RUNDC3B: variants seen among roughly 807,000 people sequenced by gnomAD.
The protein encoded by RUNDC3B is RUN domain containing 3B.
RUNDC3B carries 33 observed loss-of-function variants against 58.4 expected under a neutral mutation model. The observed-to-expected ratio is 0.56, with a 90% confidence interval of 0.43 to 0.75. The LOEUF (loss-of-function observed/expected upper bound fraction) is 0.75, where lower values mean the gene tolerates loss of function less well. Among genes scored for constraint, RUNDC3B ranks in the 30% least tolerant of loss-of-function variants. The pLI, the probability that RUNDC3B is intolerant of heterozygous loss-of-function variation, is 0.00. For synonymous variants in RUNDC3B, 193 were observed against 195.2 expected (o/e 0.99, Z 0.10); for missense variants, 501 against 535.7 (o/e 0.94, Z 0.64).
chr7:87,722,615 T>A (rs1830969636), intron 4 of RUNDC3B, among the ~76,000 whole-genome samples: 1 of 152,102 alleles, frequency 6.6e-6, no homozygotes, highest in Non-Finnish European at 1.5e-5. Context: ...TTACCATAAT[T>A]CCTTTGACGA....
At chr7:87,677,214 T>C (rs1378822876) in intron 2 of RUNDC3B, among the ~76,000 whole-genome samples, 1 of 150,814 alleles carries the variant, frequency 6.6e-6, no homozygotes, top group African/African-American at 2.4e-5. Context: ...GTAGCCAAGA[T>C]ATTAAGACAA....
At chr7:87,714,027 ATGAC>A (rs765393962) in intron 4 of RUNDC3B, among the ~76,000 whole-genome samples, 1 of 152,216 alleles carries the variant, frequency 6.6e-6, no homozygotes, top group Non-Finnish European at 1.5e-5. Context: ...AACTTTGTAA[ATGAC>A]TGAGCTGTCA....
At chr7:87,787,727 T>G (rs1330743415) in intron 8 of RUNDC3B, among the ~76,000 whole-genome samples, 1 of 152,174 alleles carries the variant, frequency 6.6e-6, no homozygotes, top group African/African-American at 2.4e-5. Flanking sequence ...TGTGAACCAT[T>G]ATGAGTATTA....
chr7:87,817,177 T>C (rs940242280), intron 10 of RUNDC3B, among the ~76,000 whole-genome samples: 6 of 152,182 alleles, frequency 3.9e-5, no homozygotes, highest in Non-Finnish European at 8.8e-5. Context: ...TTCTATTCTT[T>C]CTCCTTACAA....
At chr7:87,656,592 A>G (rs550408270) in intron 2 of RUNDC3B, among the ~76,000 whole-genome samples, 1 of 152,254 alleles carries the variant, frequency 6.6e-6, no homozygotes, top group African/African-American at 2.4e-5. Context: ...GAGGAGGAAA[A>G]TAGAATAAAG....
chr7:87,710,126 G>A (rs1044430663), intron 3 of RUNDC3B, among the ~76,000 whole-genome samples: 1 of 152,010 alleles, frequency 6.6e-6, no homozygotes, highest in African/African-American at 2.4e-5. Context: ...TGAAAGGATA[G>A]GATTGAAAAT....
intron 1 of RUNDC3B, among the ~76,000 whole-genome samples, chr7:87,639,597 G>A (rs933861108): frequency 2.6e-5 from 4 of 151,986 alleles, no homozygotes; most frequent in African/African-American, 9.7e-5. Context: ...TTAGAATTGT[G>A]GTCTCTTCCT....
chr7:87,750,816 C>T (rs1832933152), intron 6 of RUNDC3B, among the ~76,000 whole-genome samples: 2 of 150,512 alleles, frequency 1.3e-5, no homozygotes, highest in African/African-American at 4.9e-5. Context: ...AAATTTTCTC[C>T]CATTTTGTAG....
chr7:87,818,031 A>G (rs1837168695), intron 10 of RUNDC3B, among the ~76,000 whole-genome samples: 1 of 152,126 alleles, frequency 6.6e-6, no homozygotes, highest in Non-Finnish European at 1.5e-5. Context: ...TAATCTTAAT[A>G]TTTTAATATT....
chr7:87,749,563 A>G (rs541151346), intron 6 of RUNDC3B, among the ~76,000 whole-genome samples: 11 of 152,286 alleles, frequency 7.2e-5, no homozygotes, highest in African/African-American at 2.6e-4. Context: ...ATAAAGAACC[A>G]ATACTTTACA....
intron 2 of RUNDC3B, among the ~76,000 whole-genome samples, chr7:87,692,607 A>T (rs1018453508): frequency 2.6e-5 from 4 of 152,192 alleles, no homozygotes; most frequent in Non-Finnish European, 5.9e-5. Flanking sequence ...AATTTCTTTA[A>T]GTCAGATTTT....
intron 7 of RUNDC3B, among the ~76,000 whole-genome samples, chr7:87,771,227 TC>T (rs1383356653): frequency 6.6e-6 from 1 of 151,528 alleles, no homozygotes; most frequent in Non-Finnish European, 1.5e-5. Flanking sequence ...TCTATTTTTC[TC>T]TTTTTGTCTT....
intron 9 of RUNDC3B, among the ~76,000 whole-genome samples, chr7:87,812,189 T>C (rs909873232): frequency 1.3e-5 from 2 of 152,368 alleles, no homozygotes; most frequent in South Asian, 2.1e-4. Flanking sequence ...TTGCCTTTAC[T>C]TGATATCCAA....
At chr7:87,784,325 A>T (rs1481200564) in intron 8 of RUNDC3B, among the ~76,000 whole-genome samples, 1 of 151,988 alleles carries the variant, frequency 6.6e-6, no homozygotes, top group Non-Finnish European at 1.5e-5. Context: ...TGCTAATTTT[A>T]TCTCATCTGA....
chr7:87,757,446 A>G (rs1279899005), intron 6 of RUNDC3B, among the ~76,000 whole-genome samples: 1 of 152,186 alleles, frequency 6.6e-6, no homozygotes, highest in Non-Finnish European at 1.5e-5. Flanking sequence ...ATAGCCACAA[A>G]TAAAATTAAA....
chr7:87,707,898 A>T (rs1318548637), intron 3 of RUNDC3B, among the ~76,000 whole-genome samples: 1 of 152,114 alleles, frequency 6.6e-6, no homozygotes, highest in Non-Finnish European at 1.5e-5. Flanking sequence ...TGTTTATATG[A>T]GTGAAACTGA....
At chr7:87,795,159 G>A (rs1168486286) in intron 8 of RUNDC3B, among the ~76,000 whole-genome samples, 1 of 152,140 alleles carries the variant, frequency 6.6e-6, no homozygotes, top group Non-Finnish European at 1.5e-5. Context: ...CCTCTGCATA[G>A]CAAAGAAAAC....
intron 3 of RUNDC3B, among the ~76,000 whole-genome samples, chr7:87,703,857 C>T (rs932879108): frequency 1.4e-5 from 1 of 70,606 alleles, no homozygotes; most frequent in Non-Finnish European, 2.8e-5. Flanking sequence ...TTCCCCTTTG[C>T]ATCTTAGGTG....
At chr7:87,677,335 T>TA (rs57714170) in intron 2 of RUNDC3B, among the ~76,000 whole-genome samples, 8,316 of 125,188 alleles carry the variant, frequency 0.066, 434 homozygotes, top group African/African-American at 0.14. Flanking sequence ...ATTTCAGATT[T>TA]AAAAAAAAAA....
Sources: allele counts gnomAD v4.1 joint callset (sites outside exome capture counted in the v4.1 genomes callset), GRCh38; gene constraint gnomAD v4.1.1; transcripts MANE v1.5; gene names NCBI Gene and HGNC (gene_info 2026-07-23, HGNC 2026-07-21).